The following TRAPPC9 variants were observed in gnomAD, a reference collection of about 807,000 sequenced individuals.
TRAPPC9 encodes IKK2 binding protein.
A neutral mutation model predicts 124.0 loss-of-function variants in TRAPPC9; 83 were observed. That is an observed-to-expected ratio of 0.67 (90% confidence interval 0.56 to 0.80). The LOEUF (loss-of-function observed/expected upper bound fraction) is 0.80, where lower values mean the gene tolerates loss of function less well. TRAPPC9 is among the 30% of genes least tolerant of loss of function. The pLI, the probability that TRAPPC9 is intolerant of heterozygous loss-of-function variation, is 0.00. For missense variants in TRAPPC9, 1,302 were observed against 1,508.3 expected (o/e 0.86, Z 2.27); for synonymous variants, 638 against 617.5 (o/e 1.03, Z -0.49).
intron 15 of TRAPPC9, among the ~76,000 whole-genome samples, chr8:140,270,713 G>A (rs919797020): frequency 6.6e-6 from 1 of 152,216 alleles, no homozygotes; most frequent in African/African-American, 2.4e-5. Flanking sequence ...GAGGAGGCAG[G>A]AGGGGTGGGA....
At chr8:139,879,595 T>G (rs1452203406) in intron 21 of TRAPPC9, among the ~76,000 whole-genome samples, 1 of 152,104 alleles carries the variant, frequency 6.6e-6, no homozygotes, top group African/African-American at 2.4e-5. Flanking sequence ...TCCTCCCAAA[T>G]GCCCTCTGCC....
chr8:140,008,812 G>A (rs538362279), intron 18 of TRAPPC9, among the ~76,000 whole-genome samples: 21 of 152,312 alleles, frequency 1.4e-4, no homozygotes, highest in East Asian at 3.9e-4. Context: ...TTAATGTGGC[G>A]TTTAAGATAA....
intron 21 of TRAPPC9, among the ~76,000 whole-genome samples, chr8:139,857,474 A>G (rs1279390825): frequency 6.6e-6 from 1 of 152,208 alleles, no homozygotes; most frequent in African/African-American, 2.4e-5. Flanking sequence ...AGGGTCACAC[A>G]ATAAACACAT....
At chr8:140,092,640 C>G (rs73359182) in intron 17 of TRAPPC9, among the ~76,000 whole-genome samples, 16,683 of 152,220 alleles carry the variant, frequency 0.11, 1,102 homozygotes, top group African/African-American at 0.18. Flanking sequence ...TCAAGCACTT[C>G]TCTTTCCCCA....
chr8:140,207,326 G>C (rs946959844), intron 17 of TRAPPC9, among the ~76,000 whole-genome samples: 4 of 152,172 alleles, frequency 2.6e-5, no homozygotes, highest in African/African-American at 9.7e-5. Flanking sequence ...ATATTTCTAG[G>C]GGTGGGGGAT....
chr8:140,131,010 T>A (rs1305123567), intron 17 of TRAPPC9, among the ~76,000 whole-genome samples: 2 of 152,234 alleles, frequency 1.3e-5, no homozygotes, highest in African/African-American at 4.8e-5. Context: ...GATGAATAGA[T>A]TTTTAATAAG....
intron 9 of TRAPPC9, among the ~76,000 whole-genome samples, chr8:140,350,662 C>T (rs1307554318): frequency 6.5e-4 from 99 of 152,048 alleles, no homozygotes; most frequent in Admixed American, 5.4e-3. Context: ...TGGAGGTGAG[C>T]CCTCATGCAG....
chr8:140,234,074 G>T (rs2063673885), intron 16 of TRAPPC9, among the ~76,000 whole-genome samples: 2 of 152,164 alleles, frequency 1.3e-5, no homozygotes, highest in African/African-American at 4.8e-5. Flanking sequence ...GAGATCAGGG[G>T]TCCCCAACCC....
chr8:140,334,607 G>A (rs1417619099), intron 9 of TRAPPC9, among the ~76,000 whole-genome samples: 1 of 151,842 alleles, frequency 6.6e-6, no homozygotes, highest in Non-Finnish European at 1.5e-5. Context: ...CCGAGATCGT[G>A]CCATTGTACC....
At chr8:139,886,356 C>T (rs750997236) in intron 20 of TRAPPC9, among the ~76,000 whole-genome samples, 14 of 152,210 alleles carry the variant, frequency 9.2e-5, no homozygotes, top group Non-Finnish European at 1.3e-4. Flanking sequence ...CTTTGACACG[C>T]GTCAGTTTCA....
At chr8:140,270,436 C>T (rs573832070) in intron 15 of TRAPPC9, among the ~76,000 whole-genome samples, 1 of 152,228 alleles carries the variant, frequency 6.6e-6, no homozygotes, top group Non-Finnish European at 1.5e-5. Context: ...AATGTCTTTC[C>T]GTCACCAATT....
At chr8:140,209,819 G>A (rs2063012947) in intron 17 of TRAPPC9, among the ~76,000 whole-genome samples, 1 of 152,192 alleles carries the variant, frequency 6.6e-6, no homozygotes, top group Non-Finnish European at 1.5e-5. Context: ...TTTGAATTGA[G>A]ACAGAATGTT....
intron 17 of TRAPPC9, among the ~76,000 whole-genome samples, chr8:140,115,425 C>T (rs1434688574): frequency 6.6e-6 from 1 of 152,076 alleles, no homozygotes; most frequent in East Asian, 1.9e-4. Context: ...TGACACCACA[C>T]CTGGCGAATT....
intron 16 of TRAPPC9, among the ~76,000 whole-genome samples, chr8:140,222,731 G>C (rs543697620): frequency 6.6e-6 from 1 of 152,336 alleles, no homozygotes; most frequent in Admixed American, 6.5e-5. Context: ...GCCTCCTGAG[G>C]AGTTATCTTC....
At chr8:140,351,354 C>T (rs571616354) in intron 9 of TRAPPC9, among the ~76,000 whole-genome samples, 31 of 147,786 alleles carry the variant, frequency 2.1e-4, no homozygotes, top group African/African-American at 5.6e-4. Context: ...GAAAAAATTG[C>T]ATCTGTGCTG....
chr8:140,053,795 A>G (rs1842138514), intron 17 of TRAPPC9, among the ~76,000 whole-genome samples: 1 of 152,216 alleles, frequency 6.6e-6, no homozygotes, highest in South Asian at 2.1e-4. Context: ...CCATTTTATC[A>G]TTATACAATG....
In TRAPPC9 at chr8:140,173,184, A is replaced by G. The variant is rs567031515; in HGVS notation, c.2556+48275T>C. 2.1e-3 allele frequency among the ~76,000 whole-genome samples: 317 copies of G among 152,318 alleles called. 3 individuals are homozygous for G. Among genetic ancestry groups the G allele is most frequent in the South Asian group, 9.5e-3 (46 of 4,826 alleles). Reference sequence around the variant, plus strand: ...AATTAATAGTCTACAAGACTACTACAAGAATTACCAGGAAGGAGAGAACCA... The same window carrying G: ...AATTAATAGTCTACAAGACTACTACGAGAATTACCAGGAAGGAGAGAACCA... On this transcript the variant is annotated intron_variant, in intron 17 of 22. Transcript: ENST00000438773.
At chr8:139,935,250 A>G (rs929330489) in intron 19 of TRAPPC9, among the ~76,000 whole-genome samples, 1 of 152,158 alleles carries the variant, frequency 6.6e-6, no homozygotes, top group African/African-American at 2.4e-5. Flanking sequence ...CCAGGGAAGG[A>G]GAGGGGAAAG....
chr8:139,797,546 C>G (rs576598573), intron 21 of TRAPPC9, among the ~76,000 whole-genome samples: 1 of 152,270 alleles, frequency 6.6e-6, no homozygotes. Context: ...AGCCATGAGC[C>G]ACAGCACCTG....
Sources: gnomAD v4.1 joint callset for allele counts (sites outside exome capture counted in the v4.1 genomes callset) on GRCh38, gnomAD v4.1.1 for gene constraint, MANE v1.5 for transcripts, NCBI Gene and HGNC (gene_info 2026-07-23, HGNC 2026-07-21) for gene names.